Variants in ZC3HAV1 observed in about 807,000 individuals in gnomAD.
The protein encoded by ZC3HAV1 is zinc finger CCCH-type containing, antiviral 1, also known as zinc finger CCCH-type antiviral protein 1.
In ZC3HAV1, 41 loss-of-function variants were observed where a neutral mutation model predicts 86.6. That is an observed-to-expected ratio of 0.47 (90% confidence interval 0.37 to 0.61). The LOEUF (loss-of-function observed/expected upper bound fraction) is 0.61, where lower values mean the gene tolerates loss of function less well. Ranked by LOEUF, ZC3HAV1 falls within the 20% of genes least tolerant of loss-of-function variation. The pLI is 0.00. For synonymous variants in ZC3HAV1, 421 were observed against 432.1 expected (o/e 0.97, Z 0.32); for missense variants, 964 against 1,141.1 (o/e 0.84, Z 2.24).
intron 9 of ZC3HAV1, among the ~76,000 whole-genome samples, chr7:139,059,735 G>A (rs538496810): frequency 6.6e-6 from 1 of 152,146 alleles, no homozygotes; most frequent in East Asian, 1.9e-4. Flanking sequence ...CAGAAGATAA[G>A]GCTGAAGAGA....
At chr7:139,074,063 C>T (rs1198978758) in intron 6 of ZC3HAV1, 33 bp from the exon 7 acceptor site, 4 of 1,579,116 alleles carry the variant, frequency 2.5e-6, no homozygotes, top group Admixed American at 3.4e-5. Context: ...TAACATAATG[C>T]TTCATTGACC....
intron 5 of ZC3HAV1, among the ~76,000 whole-genome samples, chr7:139,077,823 A>C (rs1212361872): frequency 2.0e-5 from 3 of 152,266 alleles, no homozygotes; most frequent in Non-Finnish European, 4.4e-5. Context: ...CAAACAAAAA[A>C]GACAGGTTTA....
intron 1 of ZC3HAV1, among the ~76,000 whole-genome samples, chr7:139,101,512 T>C (rs1242085067): frequency 6.9e-5 from 2 of 29,176 alleles, no homozygotes; most frequent in East Asian, 8.9e-4. Context: ...CTGGGAGGTG[T>C]ACCCAACAGC....
At chr7:139,072,555 T>C (rs1816809870) in intron 7 of ZC3HAV1, among the ~76,000 whole-genome samples, 1 of 152,140 alleles carries the variant, frequency 6.6e-6, no homozygotes, top group Admixed American at 6.5e-5. Flanking sequence ...CCTGATTCCA[T>C]TACCTGCTTA....
intron 3 of ZC3HAV1, among the ~76,000 whole-genome samples, chr7:139,083,329 T>A (rs1180235656): frequency 6.6e-6 from 1 of 151,736 alleles, no homozygotes; most frequent in South Asian, 2.1e-4. Context: ...GTAAAAATGG[T>A]GTATACATAT....
At position 139,046,103 on chromosome 7, in the gene ZC3HAV1, T is replaced by A. The variant is rs1198369839; in HGVS notation, c.*1491A>T. On this transcript the variant is annotated 3_prime_UTR_variant, in exon 13 of 13. Transcript: ENST00000242351. ...GGTAAGGAATGTTGAAAAGGGAAAA[T>A]CAGAAGGAAAAACCTGGTTCATAAG... 6.6e-6 allele frequency: 1 copy of A among 151,538 alleles called. No individual in the cohort carries two copies. The highest frequency in any genetic ancestry group is 1.5e-5 in the Non-Finnish European group (1 of 67,880). 9.4% of individuals were successfully genotyped at this position (151,538 alleles called of 1,614,324 possible). A position where few individuals can be genotyped will look rare whatever the true frequency, so the allele number is the denominator to read the frequency against.
rs372741004 is a variant in ZC3HAV1, at chr7:139,079,963, T to C, written c.978A>G (p.Thr326=). ...TDLGGTSQAG[T]SQRFLENGSQ... is the part of the protein sequence containing the mutation. ...TGCCGTTCTCTAAAAACCTCTGGCT[T>C]GTCCCGGCCTGACTTGTTCCTCCAA... Residue 326 remains threonine (T), a synonymous_variant, in exon 4 of 13, where the codon ACA becomes ACG. Coordinates refer to ENST00000242351, the MANE Select transcript of ZC3HAV1 (RefSeq NM_020119.4). 1.5e-5 allele frequency: 24 copies of C among 1,614,084 alleles called. No homozygotes were observed. The highest frequency in any genetic ancestry group is 1.9e-5 in the Non-Finnish European group (23 of 1,180,046).
intron 3 of ZC3HAV1, 39 bp from the exon 4 acceptor site, chr7:139,080,282 A>G: frequency 6.2e-7 from 1 of 1,611,294 alleles, no homozygotes; most frequent in Non-Finnish European, 8.5e-7. Context: ...AAAATAATGA[A>G]CATTGGAGTT....
rs750366862 is a variant in ZC3HAV1 at position 139,059,336 on chromosome 7, G to A, written c.2096+1700C>T. Among the ~76,000 whole-genome samples, 7 of 152,328 alleles carry A rather than the reference G, an allele frequency of 4.6e-5. No individual in the cohort carries two copies. The South Asian group carries it at 6.2e-4, about 14-fold the overall frequency. On this transcript the variant is annotated intron_variant, in intron 9 of 12. Coordinates refer to ENST00000242351, the MANE Select transcript of ZC3HAV1 (RefSeq NM_020119.4). ...TTGAATATTTAAACTACAGGAAGGG[G>A]CCAAGTGCAGTGGCTCATGCCTGTC...
intron 1 of ZC3HAV1, among the ~76,000 whole-genome samples, chr7:139,097,175 G>T (rs901806410): frequency 5.3e-5 from 8 of 150,248 alleles, no homozygotes; most frequent in African/African-American, 2.0e-4. Context: ...ATAAAAAAAA[G>T]AAAATTTTAA....
intron 5 of ZC3HAV1, 115 bp downstream of exon 5, chr7:139,078,437 C>A (rs896284826): frequency 5.5e-5 from 42 of 757,274 alleles, no homozygotes; most frequent in Non-Finnish European, 9.1e-5. Context: ...GGGTATATAT[C>A]CAAAAGAATT....
intron 1 of ZC3HAV1, among the ~76,000 whole-genome samples, chr7:139,101,687 G>C (rs553415087): frequency 5.0e-4 from 76 of 151,088 alleles, no homozygotes; most frequent in African/African-American, 1.6e-3. Context: ...GCCTTGGGAT[G>C]CTGTTGATCT....
At chr7:139,070,682 A>C (rs1355789514) in intron 7 of ZC3HAV1, among the ~76,000 whole-genome samples, 2 of 144,940 alleles carry the variant, frequency 1.4e-5, no homozygotes, top group Non-Finnish European at 3.0e-5. Context: ...AAAAAAAAAA[A>C]ACCTCAGGAA....
chr7:139,062,830 C>G (rs1422758798), intron 8 of ZC3HAV1, among the ~76,000 whole-genome samples: 1 of 151,976 alleles, frequency 6.6e-6, no homozygotes, highest in Non-Finnish European at 1.5e-5. Flanking sequence ...GAGTTTGAGA[C>G]CATCCTGGCT....
At position 139,046,021 on chromosome 7, in the gene ZC3HAV1, A is replaced by G. The variant is rs1212407813; in HGVS notation, c.*1573T>C. ...TATAAAATCAACTCTGATGCTAATTAAATCTGACTTATAACTTGTCTGCTA... is the reference window on the plus strand; with the variant it reads ...TATAAAATCAACTCTGATGCTAATTGAATCTGACTTATAACTTGTCTGCTA... On this transcript the variant is annotated 3_prime_UTR_variant, in exon 13 of 13. Coordinates refer to ENST00000242351, the MANE Select transcript of ZC3HAV1 (RefSeq NM_020119.4). The G allele has an allele frequency of 6.7e-6, 1 of 149,984 alleles. No homozygotes were observed. Among genetic ancestry groups the G allele is most frequent in the East Asian group, 2.0e-4 (1 of 5,106 alleles). 9.3% of individuals were successfully genotyped at this position (149,984 alleles called of 1,614,324 possible). A position where few individuals can be genotyped will look rare whatever the true frequency, so the allele number is the denominator to read the frequency against.
intron 1 of ZC3HAV1, among the ~76,000 whole-genome samples, chr7:139,093,334 G>A (rs1174162691): frequency 6.6e-6 from 1 of 152,106 alleles, no homozygotes; most frequent in Non-Finnish European, 1.5e-5. Context: ...ATTTAAGCAG[G>A]GTGCAAGCAG....
chr7:139,089,856 C>T (rs1817378758), intron 1 of ZC3HAV1, 97 bp from the exon 2 acceptor site: 2 of 1,335,110 alleles, frequency 1.5e-6, no homozygotes, highest in African/African-American at 3.0e-5. Flanking sequence ...GACCCGTGCC[C>T]ATATTCTCTG....
intron 1 of ZC3HAV1, among the ~76,000 whole-genome samples, chr7:139,105,073 A>T (rs1239177319): frequency 4.6e-5 from 7 of 150,868 alleles, no homozygotes; most frequent in Non-Finnish European, 1.0e-4. Flanking sequence ...AGTTAGCCGG[A>T]CATGGTGGCG....
chr7:139,098,622 T>G (rs1584872639), intron 1 of ZC3HAV1, among the ~76,000 whole-genome samples: 1 of 152,276 alleles, frequency 6.6e-6, no homozygotes, highest in South Asian at 2.1e-4. Flanking sequence ...AGCAAAATAT[T>G]GAGACCCCCG....
Sources: allele counts gnomAD v4.1 joint callset (sites outside exome capture counted in the v4.1 genomes callset), GRCh38; gene constraint gnomAD v4.1.1; transcripts MANE v1.5; gene names NCBI Gene and HGNC (gene_info 2026-07-23, HGNC 2026-07-21).